The following MYO1F variants were observed in gnomAD, a reference collection of about 807,000 sequenced individuals.
The protein encoded by MYO1F is myosin IF.
In MYO1F, 60 loss-of-function variants were observed where a neutral mutation model predicts 146.6. The observed-to-expected ratio is 0.41, with a 90% CI of 0.33 to 0.51. The LOEUF (loss-of-function observed/expected upper bound fraction) is 0.51. Ranked by LOEUF, MYO1F falls within the 20% of genes least tolerant of loss-of-function variation. MYO1F has a pLI of 0.25. For synonymous variants in MYO1F, 602 were observed against 602.1 expected (o/e 1.00, Z 0.00); for missense variants, 1,274 against 1,534.3 (o/e 0.83, Z 2.83).
Position 8,521,524 on chromosome 19 carries a change from C to G in MYO1F, c.*4G>C. 6.2e-7 allele frequency: 1 copy of G among 1,613,948 alleles called. No individual in the cohort carries two copies. The highest frequency in any genetic ancestry group is 8.5e-7 in the Non-Finnish European group (1 of 1,179,930). The stretch of plus-strand genomic sequence containing the variant: ...AAAGAGAAGGCAGTATCCCAGGGCC[C>G]AGCTCAGATCTTCTCCACGTAGTTT... On this transcript the variant is annotated 3_prime_UTR_variant, in exon 28 of 28. Coordinates refer to ENST00000644032, the MANE Select transcript of MYO1F (RefSeq NM_012335.4).
intron 4 of MYO1F, among the ~76,000 whole-genome samples, chr19:8,553,888 ACACACACT>A (rs1403222493): frequency 3.0e-5 from 2 of 67,634 alleles, no homozygotes; most frequent in Admixed American, 2.0e-4. Context: ...ACACACACAC[ACACACACT>A]CTCTCTCTCT....
intron 14 of MYO1F, among the ~76,000 whole-genome samples, chr19:8,543,675 C>G (rs140786705): frequency 0.04 from 1,437 of 35,840 alleles, 21 homozygotes; most frequent in African/African-American, 0.052. Flanking sequence ...GGTGGTGGTG[C>G]TGGTGGTGGT....
chr19:8,551,932 C>T, intron 7 of MYO1F, 58 bp from the exon 8 acceptor site: 1 of 1,613,942 alleles, frequency 6.2e-7, no homozygotes, highest in Non-Finnish European at 8.5e-7. Context: ...CCCTGTGATC[C>T]CTCATCTGCC....
intron 4 of MYO1F, 89 bp downstream of exon 4, chr19:8,554,388 G>T: frequency 9.6e-7 from 1 of 1,044,462 alleles, no homozygotes; most frequent in Non-Finnish European, 1.5e-6. Flanking sequence ...TGTTCAGATT[G>T]GGAGTTTCAG....
intron 19 of MYO1F, among the ~76,000 whole-genome samples, chr19:8,532,901 A>AAAAAATAT (rs1172873322): frequency 2.1e-5 from 1 of 47,826 alleles, no homozygotes; most frequent in Admixed American, 2.4e-4. Flanking sequence ...AAAAAAAAAA[A>AAAAAATAT]ATACACACAC....
In MYO1F at chr19:8,550,375, G is replaced by C; in HGVS notation, c.905-19C>G. 6.2e-7 allele frequency: 1 copy of C among 1,603,062 alleles called. No individual in the cohort carries two copies. The highest frequency in any genetic ancestry group is 1.1e-5 in the South Asian group (1 of 89,792). On this transcript the variant is annotated intron_variant, in intron 9 of 27. Coordinates refer to ENST00000644032, the MANE Select transcript of MYO1F (RefSeq NM_012335.4). Reference sequence around the variant, plus strand: ...GCCAGGACTACCAGGGCAAAGGTCAGGGCAAAAATGGGACAGTTGGTTGGG... The same window carrying C: ...GCCAGGACTACCAGGGCAAAGGTCACGGCAAAAATGGGACAGTTGGTTGGG...
chr19:8,557,568 G>T lies in MYO1F; in HGVS notation c.4-1772C>A, dbSNP rs116787802. ...TTATCTGTCTCAGTCCCCCAAAGTGGTGGGATTATAGGCGTAAGCTACTGC... is the reference window on the plus strand; with the variant it reads ...TTATCTGTCTCAGTCCCCCAAAGTGTTGGGATTATAGGCGTAAGCTACTGC... On this transcript the variant is annotated intron_variant, in intron 1 of 27. Coordinates refer to ENST00000644032, the MANE Select transcript of MYO1F (RefSeq NM_012335.4). 2.0e-3 allele frequency among the ~76,000 whole-genome samples: 309 copies of T among 152,282 alleles called. 5 individuals are homozygous for T. The highest frequency in any genetic ancestry group is 6.8e-3 in the African/African-American group (281 of 41,566).
At chr19:8,569,395 C>G (rs118029702) in intron 1 of MYO1F, among the ~76,000 whole-genome samples, 1,931 of 152,154 alleles carry the variant, frequency 0.013, 17 homozygotes, top group Middle Eastern at 0.02. Context: ...AGAGGTCTCT[C>G]TACCCCAAGG....
At chr19:8,534,368 C>T (rs977641585) in intron 19 of MYO1F, among the ~76,000 whole-genome samples, 6 of 149,746 alleles carry the variant, frequency 4.0e-5, no homozygotes, top group East Asian at 4.0e-4. Context: ...AGTGCAGTGG[C>T]GCAATCTCAG....
intron 14 of MYO1F, among the ~76,000 whole-genome samples, chr19:8,542,216 C>G (rs891718066): frequency 6.7e-6 from 1 of 149,704 alleles, no homozygotes; most frequent in Admixed American, 6.7e-5. Flanking sequence ...GTTAGAGGAT[C>G]GTGGCTGTAT....
intron 14 of MYO1F, 86 bp from the exon 15 acceptor site, chr19:8,542,077 A>G: frequency 1.9e-6 from 2 of 1,062,406 alleles, no homozygotes; most frequent in Non-Finnish European, 2.9e-6. Flanking sequence ...CCAGGTGGTC[A>G]AGGCTTTCCT....
intron 12 of MYO1F, among the ~76,000 whole-genome samples, chr19:8,547,576 C>T (rs1973420082): frequency 6.8e-6 from 1 of 147,348 alleles, no homozygotes; most frequent in Non-Finnish European, 1.5e-5. Flanking sequence ...TGCACTCCAG[C>T]CTGGGTGACA....
intron 19 of MYO1F, 134 bp downstream of exon 19, chr19:8,536,118 T>G (rs1972696658): frequency 8.7e-7 from 1 of 1,153,084 alleles, no homozygotes. Context: ...TCAATCTGTT[T>G]CTCAATTTCT....
intron 1 of MYO1F, among the ~76,000 whole-genome samples, chr19:8,560,091 G>A (rs1318589833): frequency 6.6e-6 from 1 of 152,098 alleles, no homozygotes; most frequent in African/African-American, 2.4e-5. Context: ...GGAAACGGAG[G>A]CTGGAGAAGT....
intron 8 of MYO1F, 112 bp downstream of exon 8, chr19:8,551,628 A>C: frequency 6.6e-7 from 1 of 1,516,782 alleles, no homozygotes; most frequent in Non-Finnish European, 9.1e-7. Context: ...CTGGGATTAC[A>C]GGCTTGAGCC....
intron 19 of MYO1F, among the ~76,000 whole-genome samples, chr19:8,534,514 C>A (rs1271917285): frequency 6.6e-6 from 1 of 151,902 alleles, no homozygotes; most frequent in African/African-American, 2.4e-5. Flanking sequence ...CCCATGTTGG[C>A]CAGGCTGGTC....
intron 13 of MYO1F, 76 bp from the exon 14 acceptor site, chr19:8,544,540 T>C: frequency 6.8e-7 from 1 of 1,473,064 alleles, no homozygotes; most frequent in Non-Finnish European, 9.2e-7. Context: ...GTGCAGAGAT[T>C]AGGGGAGGGA....
rs547825192 is a variant in MYO1F, at chr19:8,555,748, C to T, written c.52G>A (p.Gly18Ser). ...GGAAGAAGCACCATGTCATCCACGC[C>T]GCTCTGCTTCACGTTGTGGCTCTGC... ...HWQSHNVKQSGVDDMVLLPQI... is the reference protein window; with the variant it reads ...HWQSHNVKQSSVDDMVLLPQI... Residue 18 changes from glycine (G) to serine (S), a missense_variant, in exon 2 of 28, where the codon GGC (glycine) becomes AGC (serine). This residue lies in a region of MYO1F where 900 missense variants were observed against 1,155.1 expected (regional missense o/e 0.78). Coordinates refer to ENST00000644032, the MANE Select transcript of MYO1F (RefSeq NM_012335.4). 4.2e-5 allele frequency: 68 copies of T among 1,613,972 alleles called. No individual in the cohort carries two copies. The highest frequency in any genetic ancestry group is 5.2e-5 in the Non-Finnish European group (61 of 1,180,048).
chr19:8,542,860 C>T (rs1973041946), intron 14 of MYO1F, among the ~76,000 whole-genome samples: 1 of 151,954 alleles, frequency 6.6e-6, no homozygotes, highest in South Asian at 2.1e-4. Context: ...GCCTCAGCCT[C>T]CCAAAGTGCT....
Sources: gnomAD v4.1 joint callset for allele counts (sites outside exome capture counted in the v4.1 genomes callset) on GRCh38, gnomAD v4.1.1 for gene constraint, gnomAD v4.1.1 regional missense constraint, MANE v1.5 for transcripts, NCBI Gene and HGNC (gene_info 2026-07-23, HGNC 2026-07-21) for gene names.